Variants in RUFY1 observed in about 807,000 individuals in gnomAD.
The protein encoded by RUFY1 is RUN and FYVE domain-containing protein 1.
RUFY1 carries 54 observed loss-of-function variants against 94.6 expected under a neutral mutation model. The ratio of observed to expected loss-of-function variants is 0.57; its 90% CI spans 0.46 to 0.72. The LOEUF is 0.72. Ranked by LOEUF, RUFY1 falls within the 30% of genes least tolerant of loss-of-function variation. The pLI, the probability that RUFY1 is intolerant of heterozygous loss-of-function variation, is 0.00. For missense variants in RUFY1, 883 were observed against 883.9 expected (o/e 1.00, Z 0.01); for synonymous variants, 396 against 347.3 (o/e 1.14, Z -1.56).
chr5:179,560,728 AAAAAAAAAAAAAAAAG>A (rs1461183434), intron 2 of RUFY1, among the ~76,000 whole-genome samples: 1 of 148,168 alleles, frequency 6.7e-6, no homozygotes, highest in Non-Finnish European at 1.5e-5. Flanking sequence ...TCCGTCTCAA[AAAAAAAAAAAAAAAAG>A]AAAAAAGAAA....
intron 3 of RUFY1, among the ~76,000 whole-genome samples, chr5:179,567,195 A>AG (rs1762892171): frequency 1.3e-5 from 2 of 152,172 alleles, no homozygotes; most frequent in Non-Finnish European, 1.5e-5. Flanking sequence ...CACAAATCTA[A>AG]CCTGATATTT....
chr5:179,608,434 C>T (rs1309709373), intron 17 of RUFY1: 11 of 985,448 alleles, frequency 1.1e-5, no homozygotes, highest in Non-Finnish European at 1.3e-5. Context: ...TGGCTGTCCC[C>T]ATCTGTGGAG....
At chr5:179,585,965 G>A (rs2127547359) in intron 8 of RUFY1, 100 bp downstream of exon 8, 2 of 944,060 alleles carry the variant, frequency 2.1e-6, no homozygotes, top group East Asian at 4.8e-5. Context: ...CTGCTGGTAG[G>A]AAGGGGACTT....
At chr5:179,589,337 G>A in intron 8 of RUFY1, 1 of 508,896 alleles carries the variant, frequency 2.0e-6, no homozygotes, top group South Asian at 2.1e-5. Flanking sequence ...GAGATGGCTA[G>A]GGGCAAGGGC....
intron 7 of RUFY1, among the ~76,000 whole-genome samples, chr5:179,583,955 A>G (rs1052333895): frequency 1.3e-5 from 2 of 151,438 alleles, no homozygotes; most frequent in Non-Finnish European, 2.9e-5. Flanking sequence ...TCACCGTGTT[A>G]GCCAGGATGG....
Position 179,562,566 on chromosome 5 carries a change from C to T in RUFY1, c.504C>T (p.Gly168=), listed in dbSNP as rs141246652. 3.7e-6 allele frequency: 6 copies of T among 1,608,190 alleles called. No homozygotes were observed. In the Admixed American group the frequency reaches 8.4e-5, roughly 22 times the overall value. The change falls in exon 3 of 18, where the codon GGC becomes GGT. Residue 168 remains glycine, a synonymous_variant. Transcript: ENST00000319449. ...TTTTAGTTAAGAAGAGTTTTATTGGCCAAAATAAATCATTCTTTGGTCCTT... is the reference window on the plus strand; with the variant it reads ...TTTTAGTTAAGAAGAGTTTTATTGGTCAAAATAAATCATTCTTTGGTCCTT... The part of the protein sequence containing the change: ...HGLKVKKSFI[G]QNKSFFGPLE...
intron 7 of RUFY1, among the ~76,000 whole-genome samples, chr5:179,584,529 A>G (rs938213013): frequency 6.6e-6 from 1 of 152,222 alleles, no homozygotes; most frequent in African/African-American, 2.4e-5. Flanking sequence ...CAGTAATCTC[A>G]GCAGTTTGGG....
At chr5:179,552,374 C>G (rs533556766) in intron 1 of RUFY1, among the ~76,000 whole-genome samples, 2 of 152,106 alleles carry the variant, frequency 1.3e-5, no homozygotes, top group African/African-American at 4.8e-5. Flanking sequence ...TTCCTGATTC[C>G]TCCCCATCCA....
chr5:179,586,683 AAG>A (rs1178143906), intron 8 of RUFY1, among the ~76,000 whole-genome samples: 1 of 152,140 alleles, frequency 6.6e-6, no homozygotes, highest in African/African-American at 2.4e-5. Flanking sequence ...GCCTTCAGGA[AAG>A]GAGCTCAGAT....
chr5:179,607,143 C>T (rs1405379124), intron 16 of RUFY1: 1 of 204,008 alleles, frequency 4.9e-6, no homozygotes, highest in Non-Finnish European at 1.0e-5. Flanking sequence ...CAAGGATCAG[C>T]GTCAACAAGT....
chr5:179,557,586 T>A (rs983922605), intron 1 of RUFY1, among the ~76,000 whole-genome samples: 1 of 152,192 alleles, frequency 6.6e-6, no homozygotes, highest in African/African-American at 2.4e-5. Flanking sequence ...AAAAATACTT[T>A]TAGTTTATCA....
intron 7 of RUFY1, among the ~76,000 whole-genome samples, chr5:179,583,009 T>G (rs1327772565): frequency 6.6e-6 from 1 of 151,940 alleles, no homozygotes. Flanking sequence ...TTGCCCCTTG[T>G]GAATATGAAG....
intron 14 of RUFY1, among the ~76,000 whole-genome samples, chr5:179,601,261 C>T (rs80110417): frequency 2.6e-5 from 4 of 151,774 alleles, no homozygotes; most frequent in Non-Finnish European, 5.9e-5. Flanking sequence ...CTCCGCCTCC[C>T]GGGTTCAAGC....
At chr5:179,594,450 A>G (rs1366596339) in intron 11 of RUFY1, among the ~76,000 whole-genome samples, 5 of 149,920 alleles carry the variant, frequency 3.3e-5, no homozygotes, top group Non-Finnish European at 5.9e-5. Context: ...GACAGAACCA[A>G]TCATGCCAGA....
chr5:179,583,132 A>G (rs1340842669), intron 7 of RUFY1, among the ~76,000 whole-genome samples: 2 of 151,670 alleles, frequency 1.3e-5, no homozygotes, highest in African/African-American at 4.8e-5. Flanking sequence ...GTGAAACCCC[A>G]TCTCTACTAA....
Position 179,589,670 on chromosome 5 carries a change from G to C in RUFY1, c.1128+23G>C, listed in dbSNP as rs759987919. On this transcript the variant is annotated intron_variant, in intron 9 of 17. Transcript: ENST00000319449. Reference sequence around the variant, plus strand: ...GAGGTGAGAAATTGACCTACATTTGGGCAGCATGTTTCTCACTCAGACACA... The same window carrying C: ...GAGGTGAGAAATTGACCTACATTTGCGCAGCATGTTTCTCACTCAGACACA... The C allele has an allele frequency of 2.6e-6, 4 of 1,525,840 alleles. No individual in the cohort carries two copies. In the South Asian group the frequency reaches 3.4e-5, roughly 13 times the overall value. 94.5% of individuals were successfully genotyped at this position (1,525,840 alleles called of 1,614,324 possible).
intron 5 of RUFY1, among the ~76,000 whole-genome samples, chr5:179,574,941 A>G (rs1763508776): frequency 6.6e-6 from 1 of 151,512 alleles, no homozygotes; most frequent in Non-Finnish European, 1.5e-5. Context: ...TTGGTTTTTT[A>G]TTATAAAAGA....
chr5:179,552,622 ACAGT>A (rs1252018069), intron 1 of RUFY1, among the ~76,000 whole-genome samples: 6 of 152,202 alleles, frequency 3.9e-5, no homozygotes, highest in Admixed American at 6.5e-5. Context: ...ATACTCATTG[ACAGT>A]CAGTACTGAA....
At chr5:179,557,661 A>G (rs1762175715) in intron 1 of RUFY1, among the ~76,000 whole-genome samples, 1 of 152,248 alleles carries the variant, frequency 6.6e-6, no homozygotes, top group South Asian at 2.1e-4. Context: ...TTTACGGAAA[A>G]TGGCCATCAA....
Sources: gnomAD v4.1 joint callset for allele counts (sites outside exome capture counted in the v4.1 genomes callset) on GRCh38, gnomAD v4.1.1 for gene constraint, MANE v1.5 for transcripts, NCBI Gene and HGNC (gene_info 2026-07-23, HGNC 2026-07-21) for gene names.